The following PLXDC2 variants were observed in gnomAD, a reference collection of about 807,000 sequenced individuals.
PLXDC2 encodes the protein plexin domain-containing protein 2.
PLXDC2 carries 40 observed loss-of-function variants against 68.9 expected under a neutral mutation model. The ratio of observed to expected loss-of-function variants is 0.58; its 90% CI spans 0.45 to 0.76. The LOEUF (loss-of-function observed/expected upper bound fraction) is 0.76. PLXDC2 is among the 30% of genes least tolerant of loss of function. PLXDC2 has a pLI of 0.00. For synonymous variants in PLXDC2, 243 were observed against 234.2 expected, an observed-to-expected ratio of 1.04 and a Z score of -0.34; for missense variants, 644 against 661.9, an observed-to-expected ratio of 0.97 and a Z score of 0.30.
chr10:20,129,343 G>A (rs973732685), intron 4 of PLXDC2, among the ~76,000 whole-genome samples: 11 of 151,816 alleles, frequency 7.2e-5, no homozygotes, highest in Admixed American at 2.0e-4. Context: ...GCTATTGAGC[G>A]GAGTTCTTTA....
chr10:20,223,625 A>G (rs1835247931), intron 12 of PLXDC2, among the ~76,000 whole-genome samples: 1 of 152,064 alleles, frequency 6.6e-6, no homozygotes, highest in African/African-American at 2.4e-5. Flanking sequence ...GATCTCTTAC[A>G]ATCAACCTTC....
At chr10:19,873,810 G>A (rs998382031) in intron 1 of PLXDC2, among the ~76,000 whole-genome samples, 3 of 152,210 alleles carry the variant, frequency 2.0e-5, no homozygotes, top group Non-Finnish European at 2.9e-5. Context: ...AAGATTAGGG[G>A]TGTTTGGTGG....
At chr10:20,047,082 C>A in intron 3 of PLXDC2, 67 bp downstream of exon 3, 3 of 1,437,460 alleles carry the variant, frequency 2.1e-6, no homozygotes, top group Non-Finnish European at 9.3e-7. Context: ...AATTGGCCTA[C>A]AACCATTTCT....
At chr10:19,899,721 AAAG>A (rs1274323177) in intron 1 of PLXDC2, among the ~76,000 whole-genome samples, 17 of 152,198 alleles carry the variant, frequency 1.1e-4, no homozygotes, top group Non-Finnish European at 2.4e-4. Context: ...CCAAATATGA[AAAG>A]ATGATAGGAT....
intron 12 of PLXDC2, among the ~76,000 whole-genome samples, chr10:20,235,387 T>C (rs1835419822): frequency 6.6e-6 from 1 of 152,194 alleles, no homozygotes; most frequent in South Asian, 2.1e-4. Flanking sequence ...TGAAGATCAA[T>C]ATAACAAAGT....
chr10:19,978,118 G>C (rs1278770540), intron 1 of PLXDC2, among the ~76,000 whole-genome samples: 3 of 152,050 alleles, frequency 2.0e-5, no homozygotes, highest in Admixed American at 2.0e-4. Flanking sequence ...GCTAGACTTT[G>C]TATCTCTTCT....
intron 1 of PLXDC2, among the ~76,000 whole-genome samples, chr10:19,987,773 C>T (rs903288371): frequency 1.3e-5 from 2 of 151,870 alleles, no homozygotes; most frequent in Non-Finnish European, 2.9e-5. Flanking sequence ...ACCTTGTTGG[C>T]CAGGATGGTC....
At chr10:20,211,881 G>A (rs554513495) in intron 10 of PLXDC2, 152 bp downstream of exon 10, 2 of 697,016 alleles carry the variant, frequency 2.9e-6, no homozygotes, top group Admixed American at 3.0e-5. Context: ...AATATTAGGG[G>A]TTCGATAACA....
At chr10:20,013,287 T>G (rs889095751) in intron 2 of PLXDC2, among the ~76,000 whole-genome samples, 5 of 152,166 alleles carry the variant, frequency 3.3e-5, no homozygotes, top group Non-Finnish European at 7.4e-5. Flanking sequence ...AAGAAAAACT[T>G]ACAAAGAAAA....
intron 2 of PLXDC2, among the ~76,000 whole-genome samples, chr10:20,021,900 C>T (rs541680503): frequency 3.1e-4 from 47 of 151,856 alleles, no homozygotes; most frequent in African/African-American, 7.5e-4. Flanking sequence ...GGCTTCACCA[C>T]GTTGGTCAGG....
intron 12 of PLXDC2, among the ~76,000 whole-genome samples, chr10:20,233,148 T>C (rs1038527968): frequency 6.6e-6 from 1 of 152,018 alleles, no homozygotes; most frequent in African/African-American, 2.4e-5. Context: ...GTTGCACGAG[T>C]TGTATAGTTG....
At chr10:20,123,203 C>T (rs1465870533) in intron 4 of PLXDC2, among the ~76,000 whole-genome samples, 2 of 151,912 alleles carry the variant, frequency 1.3e-5, no homozygotes, top group Non-Finnish European at 1.5e-5. Flanking sequence ...CCTAGCTCGG[C>T]CTGGCGAGGA....
intron 1 of PLXDC2, among the ~76,000 whole-genome samples, chr10:19,846,771 T>G (rs1206478388): frequency 6.6e-6 from 1 of 152,170 alleles, no homozygotes; most frequent in Admixed American, 6.5e-5. Context: ...AGTGGCCATC[T>G]CAGACGTGTG....
intron 13 of PLXDC2, among the ~76,000 whole-genome samples, chr10:20,257,997 C>CTTTTTTTT (rs550997528): frequency 1.2e-5 from 1 of 84,360 alleles, no homozygotes; most frequent in Admixed American, 1.3e-4. Flanking sequence ...TTTTTTCTTT[C>CTTTTTTTT]TTTTTTTTTT....
chr10:20,114,630 G>T, intron 4 of PLXDC2, among the ~76,000 whole-genome samples: 1 of 152,204 alleles, frequency 6.6e-6, no homozygotes, highest in African/African-American at 2.4e-5. Context: ...TGTGGAGAAT[G>T]AAAGAAGTCT....
intron 1 of PLXDC2, among the ~76,000 whole-genome samples, chr10:19,924,700 G>C (rs964971859): frequency 6.6e-6 from 1 of 152,224 alleles, no homozygotes; most frequent in Non-Finnish European, 1.5e-5. Flanking sequence ...GATCTGAAAA[G>C]ATGACAGATA....
chr10:20,006,950 A>T (rs1367883119), intron 2 of PLXDC2, among the ~76,000 whole-genome samples: 1 of 152,200 alleles, frequency 6.6e-6, no homozygotes, highest in Non-Finnish European at 1.5e-5. Context: ...ATTCATACGG[A>T]CGTATAACCA....
At chr10:20,265,967 G>A (rs950011413) in intron 13 of PLXDC2, among the ~76,000 whole-genome samples, 5 of 152,166 alleles carry the variant, frequency 3.3e-5, no homozygotes, top group East Asian at 1.9e-4. Flanking sequence ...GAAGAACTGG[G>A]ATCCACACAT....
chr10:20,234,217 A>G (rs546495025), intron 12 of PLXDC2, among the ~76,000 whole-genome samples: 4 of 152,306 alleles, frequency 2.6e-5, no homozygotes, highest in East Asian at 1.9e-4. Context: ...CCTTGCAACT[A>G]TACAACTCGT....
Sources: allele counts gnomAD v4.1 joint callset (sites outside exome capture counted in the v4.1 genomes callset), GRCh38; gene constraint gnomAD v4.1.1; transcripts MANE v1.5; gene names NCBI Gene and HGNC (gene_info 2026-07-23, HGNC 2026-07-21).